Variants in SLIT1 observed in about 807,000 individuals in gnomAD.
The protein encoded by SLIT1 is slit guidance ligand 1.
A neutral mutation model predicts 186.1 loss-of-function variants in SLIT1; 66 were observed. The observed-to-expected ratio is 0.35, with a 90% CI of 0.29 to 0.44. SLIT1 has a LOEUF of 0.44. Among genes scored for constraint, SLIT1 ranks in the 20% least tolerant of loss-of-function variants. The pLI, the probability that SLIT1 is intolerant of heterozygous loss-of-function variation, is 1.00. For missense variants in SLIT1, 1,638 were observed against 2,037.4 expected (o/e 0.80, Z 3.77); for synonymous variants, 761 against 833.8 (o/e 0.91, Z 1.50).
chr10:97,063,393 G>T, intron 8 of SLIT1, 62 bp downstream of exon 8: 2 of 1,578,082 alleles, frequency 1.3e-6, no homozygotes, highest in Non-Finnish European at 1.7e-6. Flanking sequence ...ATTAGGGGCG[G>T]GAACAAGAGG....
In SLIT1 at chr10:97,002,347, G is replaced by A. The variant is rs776126661; in HGVS notation, c.4177C>T (p.Pro1393Ser). ...CAGCTGTAGGAAAGAGCGTCGAGGG[G>A]CACGCATTGCCCATGGACACACCTG... ...GHKCVHGQCV[P>S]LDALSYSCQC... is the part of the protein sequence containing the mutation. Residue 1393 changes from proline to serine, a missense_variant, in exon 36 of 37, where the codon CCC (proline) becomes TCC (serine). By Grantham distance (74) the Pro-to-Ser change is moderately conservative. Coordinates refer to ENST00000266058, the MANE Select transcript of SLIT1 (RefSeq NM_003061.3). 3.0e-5 allele frequency: 48 copies of A among 1,608,142 alleles called. No homozygotes were observed. Among genetic ancestry groups the A allele is most frequent in the Admixed American group, 8.4e-5 (5 of 59,850 alleles).
intron 3 of SLIT1, among the ~76,000 whole-genome samples, chr10:97,162,279 A>G (rs532142758): frequency 6.6e-6 from 1 of 152,296 alleles, no homozygotes; most frequent in Non-Finnish European, 1.5e-5. Context: ...TTTCTTATGT[A>G]TCCACTAGAA....
At chr10:97,077,002 A>G (rs542734457) in intron 4 of SLIT1, among the ~76,000 whole-genome samples, 8 of 152,194 alleles carry the variant, frequency 5.3e-5, no homozygotes, top group African/African-American at 1.9e-4. Context: ...GCCGTGGCTC[A>G]CACCTATAAT....
At chr10:97,052,814 C>A (rs1848801708) in intron 13 of SLIT1, among the ~76,000 whole-genome samples, 2 of 152,162 alleles carry the variant, frequency 1.3e-5, no homozygotes, top group Admixed American at 1.3e-4. Context: ...AGAAACTGAA[C>A]CACTTGAGGT....
intron 1 of SLIT1, among the ~76,000 whole-genome samples, chr10:97,182,164 C>T (rs1305309696): frequency 6.6e-6 from 1 of 152,226 alleles, no homozygotes; most frequent in Non-Finnish European, 1.5e-5. Flanking sequence ...CTGGCTGAAC[C>T]AATTTCCTCA....
chr10:97,149,636 T>C (rs1444527418), intron 4 of SLIT1, among the ~76,000 whole-genome samples: 1 of 152,090 alleles, frequency 6.6e-6, no homozygotes, highest in African/African-American at 2.4e-5. Context: ...AGTGTGACCC[T>C]GGGAATCTGA....
chr10:97,082,924 G>T (rs997585494), intron 4 of SLIT1, among the ~76,000 whole-genome samples: 1 of 151,506 alleles, frequency 6.6e-6, no homozygotes, highest in Non-Finnish European at 1.5e-5. Flanking sequence ...TTTGTTTGTT[G>T]TTTATAGAGA....
intron 4 of SLIT1, among the ~76,000 whole-genome samples, chr10:97,129,892 C>G (rs761655962): frequency 6.6e-6 from 1 of 152,178 alleles, no homozygotes; most frequent in Non-Finnish European, 1.5e-5. Flanking sequence ...TTCCTGCCCC[C>G]AGCCAGACGC....
At position 97,021,319 on chromosome 10, in the gene SLIT1, A is replaced by C; in HGVS notation, c.2677T>G (p.Cys893Gly). 1.9e-6 allele frequency: 3 copies of C among 1,614,200 alleles called. No homozygotes were observed. The highest frequency in any genetic ancestry group is 2.5e-6 in the Non-Finnish European group (3 of 1,180,016). Residue 893 changes from cysteine (C) to glycine (G), a missense_variant, in exon 26 of 37, where the codon TGT becomes GGT. By Grantham distance (159) the Cys-to-Gly change is radical. Transcript: ENST00000266058. This position sits in a 1 kb window ranked among gnomAD's most constrained non-coding sequence, Gnocchi z 4.5. ...TGYKEPGIAR[C>G]AGPQDMEGKL... ...CCCTCCATGTCCTGGGGCCCAGCAC[A>C]ACGAGCAATGCCCGGTTCCTTGTAG...
intron 4 of SLIT1, among the ~76,000 whole-genome samples, chr10:97,088,627 A>T (rs1012781001): frequency 8.5e-5 from 13 of 152,182 alleles, no homozygotes; most frequent in Admixed American, 2.0e-4. Context: ...GTTTGCTACT[A>T]AATTTAGACA....
chr10:97,104,196 G>A (rs1376777302), intron 4 of SLIT1, among the ~76,000 whole-genome samples: 1 of 152,182 alleles, frequency 6.6e-6, no homozygotes, highest in Non-Finnish European at 1.5e-5. Context: ...GAAGAAGGGA[G>A]TGAGCCCCAT....
chr10:97,162,805 C>T (rs984422343), intron 3 of SLIT1, among the ~76,000 whole-genome samples: 2 of 151,872 alleles, frequency 1.3e-5, no homozygotes, highest in African/African-American at 2.4e-5. Flanking sequence ...GAGTGCCCAT[C>T]CCCCACCTCA....
In SLIT1 at chr10:97,000,998, C is replaced by T; in HGVS notation, c.*114G>A. ...CACCCCACCCAGGAGGGCCCAGCTG[C>T]CCAGGAGCCGTCCTGTGATGACCTG... On this transcript the variant is annotated 3_prime_UTR_variant, in exon 37 of 37. Coordinates refer to ENST00000266058, the MANE Select transcript of SLIT1 (RefSeq NM_003061.3). The T allele has an allele frequency of 1.2e-6, 1 of 812,784 alleles. No homozygotes were observed. The highest frequency in any genetic ancestry group is 2.7e-5 in the East Asian group (1 of 37,638). The allele number at this position is 812,784 out of a possible 1,614,324, so 50.3% of individuals were successfully genotyped here.
At chr10:97,137,577 T>C (rs999173728) in intron 4 of SLIT1, among the ~76,000 whole-genome samples, 1 of 151,960 alleles carries the variant, frequency 6.6e-6, no homozygotes, top group African/African-American at 2.4e-5. Flanking sequence ...TCTTTCTTTC[T>C]CTCCTTCTTT....
chr10:97,059,690 T>A, intron 10 of SLIT1, 159 bp from the exon 11 acceptor site: 1 of 669,698 alleles, frequency 1.5e-6, no homozygotes. Context: ...GAAAAGCCCA[T>A]GGCCGCTATT....
At chr10:97,167,766 G>A (rs548082299) in intron 1 of SLIT1, among the ~76,000 whole-genome samples, 1 of 152,258 alleles carries the variant, frequency 6.6e-6, no homozygotes, top group South Asian at 2.1e-4. Flanking sequence ...CATCTGGGTA[G>A]GTCTTTCCCA....
intron 4 of SLIT1, among the ~76,000 whole-genome samples, chr10:97,072,749 G>A (rs1416563641): frequency 1.3e-5 from 2 of 152,222 alleles, no homozygotes; most frequent in Non-Finnish European, 2.9e-5. Flanking sequence ...AGCAAAGCGG[G>A]TGGTAGAAGG....
At chr10:97,047,949 C>T (rs769754963) in intron 15 of SLIT1, 24 bp downstream of exon 15, 2 of 1,614,022 alleles carry the variant, frequency 1.2e-6, no homozygotes, top group Admixed American at 1.7e-5. Context: ...GCCAGGCTGG[C>T]CTTGGATCCC....
At position 97,004,840 on chromosome 10, in the gene SLIT1, C is replaced by G. The variant is rs757826743; in HGVS notation, c.3580-17G>C. On this transcript the variant is annotated splice_polypyrimidine_tract_variant and intron_variant, in intron 32 of 36. Transcript: ENST00000266058. This position sits in a 1 kb window ranked among gnomAD's most constrained non-coding sequence, Gnocchi z 5.1. ...CGTGGAGACCTGATGGGCAGTGGCA[C>G]TTTCTCTCCCACCCCACCCCATGCA... 14 of 1,614,044 alleles carry G rather than the reference C, an allele frequency of 8.7e-6. No individual in the cohort carries two copies. The highest frequency in any genetic ancestry group is 1.1e-5 in the Non-Finnish European group (13 of 1,179,930).
Sources: allele counts gnomAD v4.1 joint callset (sites outside exome capture counted in the v4.1 genomes callset), GRCh38; gene constraint gnomAD v4.1.1; non-coding constraint Gnocchi (gnomAD v3.1); transcripts MANE v1.5; gene names NCBI Gene and HGNC (gene_info 2026-07-23, HGNC 2026-07-21).